Variants in ADCY8 observed in about 807,000 individuals in gnomAD.
ADCY8 encodes the protein adenylate cyclase type 8.
In ADCY8, 51 loss-of-function variants were observed where a neutral mutation model predicts 119.7. The observed-to-expected ratio is 0.43, with a 90% CI of 0.34 to 0.54. The LOEUF (loss-of-function observed/expected upper bound fraction) is 0.54, where lower values mean the gene tolerates loss of function less well. Ranked by LOEUF, ADCY8 falls within the 20% of genes least tolerant of loss-of-function variation. ADCY8 has a pLI of 0.03. For missense variants in ADCY8, 1,383 were observed against 1,598.8 expected (o/e 0.87, Z 2.30); for synonymous variants, 665 against 651.0 (o/e 1.02, Z -0.33).
At chr8:130,902,370 A>AAGAACCTAGGCATTGCAATC (rs1819631020) in intron 7 of ADCY8, among the ~76,000 whole-genome samples, 1 of 152,236 alleles carries the variant, frequency 6.6e-6, no homozygotes, top group Non-Finnish European at 1.5e-5. Context: ...CAGAGATGGA[A>AAGAACCTAGGCATTGCAATC]AGAACCTAGG....
chr8:130,822,538 CCATCCAT>C (rs1816544724), intron 12 of ADCY8, among the ~76,000 whole-genome samples: 1 of 18,336 alleles, frequency 5.5e-5, no homozygotes, highest in Non-Finnish European at 1.5e-4. Flanking sequence ...ATCCATGAAT[CCATCCAT>C]CCATCCATCC....
Position 131,039,962 on chromosome 8 carries a change from C to A in ADCY8, c.372G>T (p.Gly124=). The A allele has an allele frequency of 6.3e-7, 1 of 1,587,418 alleles. No homozygotes were observed. The highest frequency in any genetic ancestry group is 2.3e-5 in the East Asian group (1 of 43,574). ...CAAGGTGCAGGAAGCCCAGGTCGCCCCCGCCTCCGCTGCCGCTGGCACTGC... is the reference window on the plus strand; with the variant it reads ...CAAGGTGCAGGAAGCCCAGGTCGCCACCGCCTCCGCTGCCGCTGGCACTGC... The part of the protein sequence containing the change: ...GSGSASGSGG[G]GDLGFLHLDC... Residue 124 remains glycine (G), a synonymous_variant, in exon 1 of 18, where the codon GGG becomes GGT. Transcript: ENST00000286355.
At chr8:131,024,695 A>G (rs1823772061) in intron 1 of ADCY8, among the ~76,000 whole-genome samples, 1 of 152,250 alleles carries the variant, frequency 6.6e-6, no homozygotes, top group Non-Finnish European at 1.5e-5. Flanking sequence ...AGTCCGTTCG[A>G]AACAAATTCA....
At chr8:130,829,459 G>C (rs185401148) in intron 12 of ADCY8, among the ~76,000 whole-genome samples, 14 of 141,010 alleles carry the variant, frequency 9.9e-5, no homozygotes, top group Non-Finnish European at 2.2e-4. Context: ...TTGAAAAGAA[G>C]TTTATAAAGG....
Position 130,800,555 on chromosome 8 carries a change from G to T in ADCY8, c.2931C>A (p.Ser977=). Residue 977 remains serine, a synonymous_variant, in exon 15 of 18, where the codon TCC becomes TCA. Transcript: ENST00000286355. ...DRDNEELYSQ[S]YDAVGVMFAS... ...CAAACATCACCCCAACAGCATCATA[G>T]GATTGAGAATACAGCTCCTGGACAG... is the stretch of plus-strand genomic sequence containing the variant. The T allele has an allele frequency of 6.2e-7, 1 of 1,614,092 alleles. No homozygotes were observed. The highest frequency in any genetic ancestry group is 1.3e-5 in the African/African-American group (1 of 75,030).
chr8:130,943,780 A>G (rs1228762928), intron 3 of ADCY8, among the ~76,000 whole-genome samples: 1 of 152,220 alleles, frequency 6.6e-6, no homozygotes, highest in Non-Finnish European at 1.5e-5. Flanking sequence ...GTGAAAAGCA[A>G]GATGAAACTT....
intron 5 of ADCY8, among the ~76,000 whole-genome samples, chr8:130,917,927 C>T (rs79312728): frequency 6.6e-6 from 1 of 152,240 alleles, no homozygotes; most frequent in Non-Finnish European, 1.5e-5. Flanking sequence ...CTCAGCATTC[C>T]CTAGCAGCCC....
In ADCY8 at chr8:131,040,421, A is replaced by T. The variant is rs1824353825; in HGVS notation, c.-88T>A. On this transcript the variant is annotated 5_prime_UTR_variant, in exon 1 of 18. Transcript: ENST00000286355. ...AAAGACTCAAAGGCGGCCTGGTAGGAGCTTGGCAAGGATCCTTTTTATCCT... is the reference window on the plus strand; with the variant it reads ...AAAGACTCAAAGGCGGCCTGGTAGGTGCTTGGCAAGGATCCTTTTTATCCT... 1 of 1,379,926 alleles carries T rather than the reference A, an allele frequency of 7.2e-7. No individual in the cohort carries two copies. The highest frequency in any genetic ancestry group is 9.4e-7 in the Non-Finnish European group (1 of 1,069,302). The allele number at this position is 1,379,926 out of a possible 1,614,324, so 85.5% of individuals were successfully genotyped here.
chr8:130,893,757 T>C (rs958411733), intron 7 of ADCY8, among the ~76,000 whole-genome samples: 33 of 151,236 alleles, frequency 2.2e-4, no homozygotes. Context: ...TATGTGTGTG[T>C]GCATGTTTAT....
At chr8:131,027,068 T>C (rs1823844833) in intron 1 of ADCY8, among the ~76,000 whole-genome samples, 1 of 152,226 alleles carries the variant, frequency 6.6e-6, no homozygotes, top group Admixed American at 6.5e-5. Context: ...GTTTGGCATA[T>C]AGCAATCTCC....
intron 15 of ADCY8, among the ~76,000 whole-genome samples, chr8:130,795,049 A>C (rs1419389366): frequency 6.6e-6 from 1 of 152,144 alleles, no homozygotes; most frequent in Non-Finnish European, 1.5e-5. Flanking sequence ...CGTGGTGAAA[A>C]TCGCTGTCTC....
chr8:130,800,395 G>A, intron 15 of ADCY8, 31 bp downstream of exon 15: 2 of 1,612,386 alleles, frequency 1.2e-6, no homozygotes, highest in Non-Finnish European at 1.7e-6. Context: ...ATGCCCATTT[G>A]TGATTGTAAA....
chr8:130,889,887 A>G (rs913400460), intron 7 of ADCY8, among the ~76,000 whole-genome samples: 2 of 152,066 alleles, frequency 1.3e-5, no homozygotes, highest in African/African-American at 4.8e-5. Context: ...CTGCTACTAT[A>G]AAAAACAAAT....
intron 9 of ADCY8, among the ~76,000 whole-genome samples, chr8:130,867,524 CA>C (rs1427447701): frequency 6.6e-6 from 1 of 151,814 alleles, no homozygotes; most frequent in Non-Finnish European, 1.5e-5. Flanking sequence ...ATTATACTAA[CA>C]AAAGCACAAG....
chr8:131,012,080 G>A (rs1344253022), intron 1 of ADCY8, among the ~76,000 whole-genome samples: 1 of 152,174 alleles, frequency 6.6e-6, no homozygotes, highest in Non-Finnish European at 1.5e-5. Context: ...TCTGCATTTT[G>A]TTGCTTTAGA....
intron 7 of ADCY8, among the ~76,000 whole-genome samples, chr8:130,888,598 A>G (rs151114516): frequency 0.012 from 1,864 of 152,200 alleles, 17 homozygotes; most frequent in Middle Eastern, 0.02. Context: ...GAGATAGATC[A>G]AAGTGCAAAT....
In ADCY8 at chr8:131,039,707, G is replaced by T. The variant is rs775875725; in HGVS notation, c.627C>A (p.Asp209Glu). ...AGCCCAGCAGGATGCCCTTGAGCGG[G>T]TCCATGGGGGCCGAGGCCAGGCTCA... is the stretch of plus-strand genomic sequence containing the variant. ...LHLSLASAPM[D>E]PLKGILLGFF... is the part of the protein sequence containing the mutation. The change falls in exon 1 of 18, where the codon GAC becomes GAA. Residue 209 changes from aspartate (D) to glutamate (E), a missense_variant. Asp to Glu is a conservative substitution (Grantham distance 45). This residue lies in a region of ADCY8 where 455 missense variants were observed against 435.3 expected (regional missense o/e 1.05). Coordinates refer to ENST00000286355, the MANE Select transcript of ADCY8 (RefSeq NM_001115.3). The T allele has an allele frequency of 4.5e-5, 72 of 1,614,134 alleles. No homozygotes were observed. The highest frequency in any genetic ancestry group is 4.7e-5 in the Non-Finnish European group (56 of 1,180,026).
chr8:130,844,622 A>G (rs1286927947), intron 11 of ADCY8, among the ~76,000 whole-genome samples: 1 of 152,136 alleles, frequency 6.6e-6, no homozygotes, highest in African/African-American at 2.4e-5. Flanking sequence ...TGAATATCTA[A>G]TCCATTTTAG....
rs116390218 is a variant in ADCY8, at chr8:130,891,363, C to A, written c.1912-6602G>T. ...CTTTCTCTACTGTTTGTTAAAATGC[C>A]AACCCAACCCCTGGAAGAGAAGGCT... On this transcript the variant is annotated intron_variant, in intron 7 of 17. Transcript: ENST00000286355. 5.7e-3 allele frequency among the ~76,000 whole-genome samples: 862 copies of A among 152,194 alleles called. 10 individuals are homozygous for A. The highest frequency in any genetic ancestry group is 0.02 in the African/African-American group (831 of 41,532).
Sources: gnomAD v4.1 joint callset for allele counts (sites outside exome capture counted in the v4.1 genomes callset) on GRCh38, gnomAD v4.1.1 for gene constraint, gnomAD v4.1.1 regional missense constraint, MANE v1.5 for transcripts, NCBI Gene and HGNC (gene_info 2026-07-23, HGNC 2026-07-21) for gene names.